The following CLEC14A variants were observed in gnomAD, a reference collection of about 807,000 sequenced individuals.
The protein encoded by CLEC14A is C-type lectin domain containing 14A, also known as C-type lectin domain family 14 member A.
For synonymous variants in CLEC14A, 349 were observed against 292.0 expected (o/e 1.20, Z -1.99); for missense variants, 682 against 659.9 (o/e 1.03, Z -0.37).
Position 38,255,072 on chromosome 14 carries a change from T to C in CLEC14A, c.951A>G (p.Arg317=). 1.9e-6 allele frequency: 3 copies of C among 1,612,860 alleles called. No individual in the cohort carries two copies. The highest frequency in any genetic ancestry group is 2.5e-6 in the Non-Finnish European group (3 of 1,180,000). The change falls in exon 1 of 1, where the codon AGA becomes AGG. Residue 317 remains arginine (R), a synonymous_variant. Transcript: ENST00000342213. The surrounding 1 kb of genome is among the most constrained non-coding windows in gnomAD (Gnocchi z 5.1). ...PATATSPVPQ[R]TWPIRVDEKL... The stretch of plus-strand genomic sequence containing the variant: ...TCTCGTCGACCCTGATTGGCCATGT[T>C]CTCTGCGGCACGGGGCTGGTTGCAG...
At position 38,254,701 on chromosome 14, in the gene CLEC14A, G is replaced by A. The variant is rs1343788833; in HGVS notation, c.1322C>T (p.Pro441Leu). 1.2e-6 allele frequency: 2 copies of A among 1,614,048 alleles called. No individual in the cohort carries two copies. The highest frequency in any genetic ancestry group is 1.7e-6 in the Non-Finnish European group (2 of 1,180,036). ...GGGCTCAGGATCACTCTCCAGGCCC[G>A]GCGGGCCCATAGACTCCTTCCTTGG... The part of the protein sequence containing the change: ...SQPRKESMGP[P>L]GLESDPEPAA... Residue 441 changes from proline (P) to leucine (L), a missense_variant, in exon 1 of 1, where the codon CCG becomes CTG. Coordinates refer to ENST00000342213, the MANE Select transcript of CLEC14A (RefSeq NM_175060.3).
In CLEC14A at chr14:38,255,200, T is replaced by C. The variant is rs140940981; in HGVS notation, c.823A>G (p.Thr275Ala). The C allele has an allele frequency of 7.7e-4, 1,235 of 1,613,844 alleles. 9 individuals carry two copies. The African/African-American group carries it at 0.015, about 19-fold the overall frequency. The change falls in exon 1 of 1, where the codon ACG becomes GCG. Residue 275 changes from threonine to alanine, a missense_variant. Thr to Ala is a moderately conservative substitution (Grantham distance 58). Transcript: ENST00000342213. This position sits in a 1 kb window ranked among gnomAD's most constrained non-coding sequence, Gnocchi z 5.1. Reference protein sequence around the residue: ...DLGGFACECATGFELGKDGRS... With the variant: ...DLGGFACECAAGFELGKDGRS... ...CCGTCCTTCCCCAGCTCGAAGCCCGTAGCACATTCGCAGGCAAAGCCTCCC... is the reference window on the plus strand; with the variant it reads ...CCGTCCTTCCCCAGCTCGAAGCCCGCAGCACATTCGCAGGCAAAGCCTCCC...
Position 38,255,128 on chromosome 14 carries a change from T to C in CLEC14A, c.895A>G (p.Thr299Ala). The change falls in exon 1 of 1, where the codon ACC becomes GCC. Residue 299 changes from threonine to alanine, a missense_variant. Thr to Ala is a moderately conservative substitution (Grantham distance 58). Transcript: ENST00000342213. The surrounding 1 kb of genome is among the most constrained non-coding windows in gnomAD (Gnocchi z 5.1). ...SGEGQPTLGG[T>A]GVPTRRPPAT... ...GGCGGGCGCCTGGTGGGCACCCCGG[T>C]CCCCCCAAGGGTCGGCTGTCCTTCC... 1 of 1,612,472 alleles carries C rather than the reference T, an allele frequency of 6.2e-7. No individual in the cohort carries two copies. Among genetic ancestry groups the C allele is most frequent in the Non-Finnish European group, 8.5e-7 (1 of 1,179,934 alleles).
Position 38,255,443 on chromosome 14 carries a change from C to A in CLEC14A, c.580G>T (p.Ala194Ser). 1 of 1,613,264 alleles carries A rather than the reference C, an allele frequency of 6.2e-7. No homozygotes were observed. The highest frequency in any genetic ancestry group is 8.5e-7 in the Non-Finnish European group (1 of 1,180,020). ...PGAASNLSYR[A>S]PFQLHSAALD... ...GCGGCGCTGTGCAGCTGGAAGGGCG[C>A]GCGATAGCTCAAGTTAGAGGCGGCC... The change falls in exon 1 of 1, where the codon GCG becomes TCG. Residue 194 changes from alanine to serine, a missense_variant. Physicochemically the swap from Ala to Ser is moderately conservative, Grantham distance 99. Coordinates refer to ENST00000342213, the MANE Select transcript of CLEC14A (RefSeq NM_175060.3). The surrounding 1 kb of genome is among the most constrained non-coding windows in gnomAD (Gnocchi z 5.1).
chr14:38,255,863 A>G lies in CLEC14A; in HGVS notation c.160T>C (p.Cys54Arg). Residue 54 changes from cysteine to arginine, a missense_variant, in exon 1 of 1, where the codon TGC (cysteine) becomes CGC (arginine). Physicochemically the swap from Cys to Arg is radical, Grantham distance 180. Coordinates refer to ENST00000342213, the MANE Select transcript of CLEC14A (RefSeq NM_175060.3). The surrounding 1 kb of genome is among the most constrained non-coding windows in gnomAD (Gnocchi z 5.1). ...TMKRQAAEEA[C>R]ILRGGALSTV... ...CTGAGCGCCCCACCTCGCAGGATGC[A>G]GGCCTCCTCGGCCGCCTGCCGCTTC... The G allele has an allele frequency of 6.4e-7, 1 of 1,554,756 alleles. No homozygotes were observed. Among genetic ancestry groups the G allele is most frequent in the Non-Finnish European group, 8.6e-7 (1 of 1,157,830 alleles).
rs1375418681 is a variant in CLEC14A, at chr14:38,255,901, T to G, written c.122A>C (p.His41Pro). The G allele has an allele frequency of 6.4e-7, 1 of 1,570,516 alleles. No homozygotes were observed. The highest frequency in any genetic ancestry group is 8.6e-7 in the Non-Finnish European group (1 of 1,165,040). ...CGCCTGCCGCTTCATGGTAGCGTGG[T>G]GCAGGCTGTAGCAGGCCCCCGAGGC... is the stretch of plus-strand genomic sequence containing the variant. ...CSASGACYSL[H>P]HATMKRQAAE... The change falls in exon 1 of 1, where the codon CAC becomes CCC. Residue 41 changes from histidine (H) to proline (P), a missense_variant. Coordinates refer to ENST00000342213, the MANE Select transcript of CLEC14A (RefSeq NM_175060.3). The surrounding 1 kb of genome is among the most constrained non-coding windows in gnomAD (Gnocchi z 5.1).
chr14:38,255,205 C>G lies in CLEC14A; in HGVS notation c.818G>C (p.Cys273Ser), dbSNP rs1377042221. The change falls in exon 1 of 1, where the codon TGT becomes TCT. Residue 273 changes from cysteine to serine, a missense_variant. By Grantham distance (112) the Cys-to-Ser change is moderately radical (BLOSUM62 -1). Transcript: ENST00000342213. This position sits in a 1 kb window ranked among gnomAD's most constrained non-coding sequence, Gnocchi z 5.1. ...CTTCCCCAGCTCGAAGCCCGTAGCA[C>G]ATTCGCAGGCAAAGCCTCCCAAGTC... ...LDDLGGFACE[C>S]ATGFELGKDG... 3 of 1,613,814 alleles carry G rather than the reference C, an allele frequency of 1.9e-6. No individual in the cohort carries two copies. Among genetic ancestry groups the G allele is most frequent in the African/African-American group, 2.7e-5 (2 of 74,940 alleles).
chr14:38,254,614 TCA>T lies in CLEC14A; in HGVS notation c.1407_1408del (p.Cys469Ter). 1.2e-6 allele frequency: 2 copies of T among 1,613,994 alleles called. No individual in the cohort carries two copies. The highest frequency in any genetic ancestry group is 1.7e-6 in the Non-Finnish European group (2 of 1,179,926). On this transcript the variant is annotated stop_gained and frameshift_variant, in exon 1 of 1. Transcript: ENST00000342213. LOFTEE classifies it low-confidence loss of function (END_TRUNC). ...GGCACCCTCTGCTCTGTCCCGCAGA[TCA>T]CAGTCCCCGACTTTCACCCCATTGT...
chr14:38,254,843 A>C lies in CLEC14A; in HGVS notation c.1180T>G (p.Ser394Ala). ...AATATGAAGACCACGGCAGAGGAGGAGTCGAAAGCCTGAGGAGTGGCAGAG... is the reference window on the plus strand; with the variant it reads ...AATATGAAGACCACGGCAGAGGAGGCGTCGAAAGCCTGAGGAGTGGCAGAG... ...TSSATPQAFD[S>A]SSAVVFIFVS... The change falls in exon 1 of 1, where the codon TCC becomes GCC. Residue 394 changes from serine (S) to alanine (A), a missense_variant. By Grantham distance (99) the Ser-to-Ala change is moderately conservative (BLOSUM62 1). Transcript: ENST00000342213. 3 of 1,613,750 alleles carry C rather than the reference A, an allele frequency of 1.9e-6. No homozygotes were observed. The highest frequency in any genetic ancestry group is 1.1e-5 in the South Asian group (1 of 91,066).
rs1884026532 is a variant in CLEC14A, at chr14:38,255,365, G to A, written c.658C>T (p.Leu220Phe). The stretch of plus-strand genomic sequence containing the variant: ...GCGATGCAAGTAACTGAGATCGGGA[G>A]CTGTCCCCGGCAGAGCGCACTCACC... ...TEVSALCRGQ[L>F]PISVTCIADE... Residue 220 changes from leucine (L) to phenylalanine (F), a missense_variant, in exon 1 of 1, where the codon CTC (leucine) becomes TTC (phenylalanine). Leu to Phe is a conservative substitution (Grantham distance 22). Coordinates refer to ENST00000342213, the MANE Select transcript of CLEC14A (RefSeq NM_175060.3). This position sits in a 1 kb window ranked among gnomAD's most constrained non-coding sequence, Gnocchi z 5.1. 1.2e-6 allele frequency: 2 copies of A among 1,613,536 alleles called. No individual in the cohort carries two copies. Among genetic ancestry groups the A allele is most frequent in the African/African-American group, 1.3e-5 (1 of 75,060 alleles).
chr14:38,255,719 G>T lies in CLEC14A; in HGVS notation c.304C>A (p.His102Asn). 6.4e-7 allele frequency: 1 copy of T among 1,563,372 alleles called. No homozygotes were observed. The change falls in exon 1 of 1, where the codon CAC becomes AAC. Residue 102 changes from histidine (H) to asparagine (N), a missense_variant. His to Asn is a moderately conservative substitution (Grantham distance 68, BLOSUM62 1). Coordinates refer to ENST00000342213, the MANE Select transcript of CLEC14A (RefSeq NM_175060.3). The surrounding 1 kb of genome is among the most constrained non-coding windows in gnomAD (Gnocchi z 5.1). ...AAAGGCTCGTTCTCCAGGGTGCAGT[G>T]GGAACGCCTGCGCTCCAGTGCGACC... Reference protein sequence around the residue: ...FWVALERRRSHCTLENEPLRG... With the variant: ...FWVALERRRSNCTLENEPLRG...
chr14:38,255,143 GC>G lies in CLEC14A; in HGVS notation c.879del (p.Gln293HisfsTer48). 6.2e-7 allele frequency: 1 copy of G among 1,613,204 alleles called. No homozygotes were observed. Among genetic ancestry groups the G allele is most frequent in the East Asian group, 2.2e-5 (1 of 44,850 alleles). On this transcript the variant is annotated frameshift_variant, in exon 1 of 1. Transcript: ENST00000342213. LOFTEE classifies it low-confidence loss of function (END_TRUNC). The surrounding 1 kb of genome is among the most constrained non-coding windows in gnomAD (Gnocchi z 5.1). ...GGCACCCCGGTCCCCCCAAGGGTCG[GC>G]TGTCCTTCCCCACTGGTCACACAAG... is the stretch of plus-strand genomic sequence containing the variant. ...GRSCVTSGEG[Q>X]PTLGGTGVPT...
Position 38,255,792 on chromosome 14 carries a change from C to T in CLEC14A, c.231G>A (p.Leu77=). The change falls in exon 1 of 1, where the codon CTG becomes CTA. Residue 77 remains leucine (L), a synonymous_variant. Coordinates refer to ENST00000342213, the MANE Select transcript of CLEC14A (RefSeq NM_175060.3). This position sits in a 1 kb window ranked among gnomAD's most constrained non-coding sequence, Gnocchi z 5.1. ...GAELRAVLAL[L]RAGPGPGGGS... Reference sequence around the variant, plus strand: ...CCCCTCCGGGCCCTGGGCCTGCCCGCAGGAGCGCGAGCACAGCGCGCAGCT... The same window carrying T: ...CCCCTCCGGGCCCTGGGCCTGCCCGTAGGAGCGCGAGCACAGCGCGCAGCT... 1 of 1,541,958 alleles carries T rather than the reference C, an allele frequency of 6.5e-7. No individual in the cohort carries two copies. The highest frequency in any genetic ancestry group is 8.7e-7 in the Non-Finnish European group (1 of 1,148,180).
In CLEC14A at chr14:38,256,018, C is replaced by T. The variant is rs1227530327; in HGVS notation, c.5G>A (p.Arg2Lys). The T allele has an allele frequency of 6.6e-7, 1 of 1,523,568 alleles. No homozygotes were observed. The highest frequency in any genetic ancestry group is 8.8e-7 in the Non-Finnish European group (1 of 1,136,472). 94.4% of individuals were successfully genotyped at this position (1,523,568 alleles called of 1,614,324 possible). ...GAGGAGGCACAGGGCGAACGCCGGC[C>T]TCATTCTCTGAGGCCCCGCACGCAG... M[R>K]PAFALCLLWQ... The change falls in exon 1 of 1, where the codon AGG becomes AAG. Residue 2 changes from arginine (R) to lysine (K), a missense_variant. By Grantham distance (26) the Arg-to-Lys change is conservative. Coordinates refer to ENST00000342213, the MANE Select transcript of CLEC14A (RefSeq NM_175060.3).
In CLEC14A at chr14:38,254,169, C is replaced by A. The variant is rs1427249887; in HGVS notation, c.*381G>T. ...TTCCCTGGGATTTCGAACCAATATA[C>A]TCCTAGCCTGAACAACATAGAACAT... On this transcript the variant is annotated 3_prime_UTR_variant, in exon 1 of 1. Transcript: ENST00000342213. 6.3e-6 allele frequency: 1 copy of A among 159,366 alleles called. No individual in the cohort carries two copies. The highest frequency in any genetic ancestry group is 1.4e-5 in the Non-Finnish European group (1 of 73,190). 9.9% of individuals were successfully genotyped at this position (159,366 alleles called of 1,614,324 possible).
In CLEC14A at chr14:38,254,672, CA is replaced by C. The variant is rs1163593821; in HGVS notation, c.1350del (p.Ala451LeufsTer14). 1.2e-6 allele frequency: 2 copies of C among 1,614,076 alleles called. No individual in the cohort carries two copies. The highest frequency in any genetic ancestry group is 1.7e-6 in the Non-Finnish European group (2 of 1,180,046). ...CAATGTGCAGAACTGGAGCCCAAAG[CA>C]GCGGGCTCAGGATCACTCTCCAGGC... ...PPGLESDPEP[A>X]ALGSSSAHCT... On this transcript the variant is annotated frameshift_variant, in exon 1 of 1. Transcript: ENST00000342213. LOFTEE classifies it low-confidence loss of function (END_TRUNC).
Position 38,254,383 on chromosome 14 carries a change from A to T in CLEC14A, c.*167T>A. The T allele has an allele frequency of 1.8e-6, 1 of 567,274 alleles. No individual in the cohort carries two copies. Among genetic ancestry groups the T allele is most frequent in the Non-Finnish European group, 2.9e-6 (1 of 339,550 alleles). 35.1% of individuals were successfully genotyped at this position (567,274 alleles called of 1,614,324 possible). ...AGGCACTTCCACTTCCTCTATCATC[A>T]GGGAAGGAGTGTGCAGTTCTGATTT... On this transcript the variant is annotated 3_prime_UTR_variant, in exon 1 of 1. Coordinates refer to ENST00000342213, the MANE Select transcript of CLEC14A (RefSeq NM_175060.3).
rs1378337293 is a variant in CLEC14A, at chr14:38,255,949, G to A, written c.74C>T (p.Thr25Ile). Residue 25 changes from threonine (T) to isoleucine (I), a missense_variant, in exon 1 of 1, where the codon ACT (threonine) becomes ATT (isoleucine). Physicochemically the swap from Thr to Ile is moderately conservative, Grantham distance 89 (BLOSUM62 -1). Transcript: ENST00000342213. The surrounding 1 kb of genome is among the most constrained non-coding windows in gnomAD (Gnocchi z 5.1). ...GGCCGAGCAGCCAGCACGGTCGGCAGTGGGGTGTTCGCCGCCGCCCGGCCC... is the reference window on the plus strand; with the variant it reads ...GGCCGAGCAGCCAGCACGGTCGGCAATGGGGTGTTCGCCGCCGCCCGGCCC... ...WPGPGGGEHP[T>I]ADRAGCSASG... 1.3e-6 allele frequency: 2 copies of A among 1,560,200 alleles called. No individual in the cohort carries two copies. Among genetic ancestry groups the A allele is most frequent in the Admixed American group, 3.7e-5 (2 of 53,406 alleles).
Position 38,255,164 on chromosome 14 carries a change from C to T in CLEC14A, c.859G>A (p.Val287Met). 6.2e-7 allele frequency: 1 copy of T among 1,613,682 alleles called. No homozygotes were observed. Residue 287 changes from valine (V) to methionine (M), a missense_variant, in exon 1 of 1, where the codon GTG (valine) becomes ATG (methionine). By Grantham distance (21) the Val-to-Met change is conservative. Coordinates refer to ENST00000342213, the MANE Select transcript of CLEC14A (RefSeq NM_175060.3). This position sits in a 1 kb window ranked among gnomAD's most constrained non-coding sequence, Gnocchi z 5.1. ...GTCGGCTGTCCTTCCCCACTGGTCA[C>T]ACAAGAGCGGCCGTCCTTCCCCAGC... The part of the protein sequence containing the change: ...FELGKDGRSC[V>M]TSGEGQPTLG...
Sources: allele counts gnomAD v4.1 joint callset, GRCh38; gene constraint gnomAD v4.1.1; non-coding constraint Gnocchi (gnomAD v3.1); transcripts MANE v1.5; gene names NCBI Gene and HGNC (gene_info 2026-07-23, HGNC 2026-07-21).